Variants in APOH observed in about 807,000 individuals in gnomAD.
APOH encodes the protein beta-2-glycoprotein 1.
Under a neutral mutation model 39.8 loss-of-function variants are expected in APOH, and 48 were observed. That is an observed-to-expected ratio of 1.21 (90% CI 0.96 to 1.54). The LOEUF (loss-of-function observed/expected upper bound fraction) is 1.54, where lower values mean the gene tolerates loss of function less well. Among genes scored for constraint, APOH ranks in the 40% most tolerant of loss-of-function variants. The pLI is 0.00. For synonymous variants in APOH, 153 were observed against 151.1 expected, an observed-to-expected ratio of 1.01 and a Z score of -0.09; for missense variants, 415 against 421.2, an observed-to-expected ratio of 0.99 and a Z score of 0.13.
intron 5 of APOH, among the ~76,000 whole-genome samples, chr17:66,217,556 G>A (rs1362692246): frequency 6.6e-6 from 1 of 152,090 alleles, no homozygotes; most frequent in Non-Finnish European, 1.5e-5. Context: ...GGAGCCAGGA[G>A]CACAATATTC....
chr17:66,225,948 T>C (rs2073436691), intron 3 of APOH, 80 bp downstream of exon 3: 2 of 935,638 alleles, frequency 2.1e-6, no homozygotes, highest in African/African-American at 1.7e-5. Flanking sequence ...AAACAAAATA[T>C]AGACCAGTCT....
At chr17:66,213,652 A>AT (rs1368292955) in intron 7 of APOH, among the ~76,000 whole-genome samples, 2 of 152,168 alleles carry the variant, frequency 1.3e-5, no homozygotes, top group African/African-American at 4.8e-5. Flanking sequence ...AAGACTTAGA[A>AT]AAGAGGCTGG....
At position 66,214,567 on chromosome 17, in the gene APOH, T is replaced by C; in HGVS notation, c.868A>G (p.Met290Val). The change falls in exon 7 of 8, where the codon ATG becomes GTG. Residue 290 changes from methionine to valine, a missense_variant. This residue lies in a region of APOH where 120 missense variants were observed against 110.6 expected (regional missense o/e 1.08). Transcript: ENST00000205948. ...VKIQEKFKNG[M>V]LHGDKVSFFC... ...AAAGAAACTTTATCACCATGTAGCA[T>C]TCCATTCTTAAATTTTTCCTGAATC... is the stretch of plus-strand genomic sequence containing the variant. 6.2e-7 allele frequency: 1 copy of C among 1,614,098 alleles called. No individual in the cohort carries two copies. Among genetic ancestry groups the C allele is most frequent in the Non-Finnish European group, 8.5e-7 (1 of 1,179,970 alleles).
intron 5 of APOH, among the ~76,000 whole-genome samples, chr17:66,219,585 A>G (rs2073385227): frequency 1.3e-5 from 2 of 152,158 alleles, no homozygotes; most frequent in Non-Finnish European, 1.5e-5. Flanking sequence ...CGTTCACTGG[A>G]TATCTGTAAT....
At chr17:66,225,578 G>C (rs991276257) in intron 3 of APOH, among the ~76,000 whole-genome samples, 1 of 152,184 alleles carries the variant, frequency 6.6e-6, no homozygotes, top group Non-Finnish European at 1.5e-5. Context: ...CCTCCTCTGA[G>C]ATAATTAATC....
At chr17:66,220,828 G>T in intron 4 of APOH, 86 bp from the exon 5 acceptor site, 1 of 1,315,886 alleles carries the variant, frequency 7.6e-7, no homozygotes, top group Non-Finnish European at 1.0e-6. Flanking sequence ...AAAACCCTAA[G>T]GATAAACTTG....
chr17:66,212,191 G>C lies in APOH; in HGVS notation c.983-3C>G. 1.2e-6 allele frequency: 2 copies of C among 1,612,660 alleles called. No individual in the cohort carries two copies. The highest frequency in any genetic ancestry group is 1.7e-6 in the Non-Finnish European group (2 of 1,178,880). On this transcript the variant is annotated splice_region_variant and splice_polypyrimidine_tract_variant and intron_variant, in intron 7 of 7. Transcript: ENST00000205948. ...CCAAAAAGCCAGAGAACTGTGTTCT[G>C]TTGGGGGAGAAAAAGATAAACATTC...
At chr17:66,226,407 G>T (rs529485205) in intron 2 of APOH, among the ~76,000 whole-genome samples, 17 of 152,360 alleles carry the variant, frequency 1.1e-4, no homozygotes, top group African/African-American at 3.8e-4. Flanking sequence ...GGAGGCAGAG[G>T]AGGGTGGATC....
Position 66,220,725 on chromosome 17 carries a change from GT to G in APOH, c.432del (p.Pro145HisfsTer59). 6.2e-7 allele frequency: 1 copy of G among 1,610,334 alleles called. No homozygotes were observed. On this transcript the variant is annotated frameshift_variant, in exon 5 of 8. Transcript: ENST00000205948. LOFTEE classifies it high-confidence loss of function. ...AGTGTTGCAAACGTAGGTATGGATG[GT>G]GGAGGGCAGATGATGGCTGGGAAAA... Reference protein sequence around the residue: ...LPVCAPIICPPPSIPTFATLR... With the variant: ...LPVCAPIICPXPSIPTFATLR...
At chr17:66,214,817 G>A (rs929869252) in intron 6 of APOH, among the ~76,000 whole-genome samples, 167 bp from the exon 7 acceptor site, 1 of 151,352 alleles carries the variant, frequency 6.6e-6, no homozygotes, top group African/African-American at 2.4e-5. Flanking sequence ...GCTAATTGCA[G>A]TTCTCTGTCA....
chr17:66,228,020 G>A lies in APOH; in HGVS notation c.241C>T (p.Pro81Ser), dbSNP rs762150092. Reference protein sequence around the residue: ...LWPINTLKCTPRVCPFAGILE... With the variant: ...LWPINTLKCTSRVCPFAGILE... ...AATGTGAGAGAAGGTACTGACTTAC[G>A]TGTACATTTCAGAGTGTTGATGGGC... The change falls in exon 2 of 8, where the codon CCC (proline) becomes TCC (serine). Residue 81 changes from proline to serine, a missense_variant and splice_region_variant. This residue lies in a region of APOH where 288 missense variants were observed against 284.9 expected (regional missense o/e 1.01). Coordinates refer to ENST00000205948, the MANE Select transcript of APOH (RefSeq NM_000042.3). 15 of 1,612,308 alleles carry A rather than the reference G, an allele frequency of 9.3e-6. No homozygotes were observed. The highest frequency in any genetic ancestry group is 3.3e-5 in the Admixed American group (2 of 59,730).
At chr17:66,227,980 CA>C in intron 2 of APOH, 39 bp downstream of exon 2, 1 of 1,583,210 alleles carries the variant, frequency 6.3e-7, no homozygotes, top group South Asian at 1.2e-5. Context: ...ACCCAGAATC[CA>C]AATGAGGGAA....
chr17:66,229,229 G>A (rs537004974), intron 1 of APOH, 87 bp downstream of exon 1: 16 of 1,104,380 alleles, frequency 1.4e-5, no homozygotes, highest in Middle Eastern at 2.0e-4. Context: ...GAGCAAGCAC[G>A]CCCGGCCTAC....
At chr17:66,219,931 T>A (rs2146994351) in intron 5 of APOH, among the ~76,000 whole-genome samples, 1 of 152,144 alleles carries the variant, frequency 6.6e-6, no homozygotes, top group East Asian at 1.9e-4. Flanking sequence ...AAACAAACTA[T>A]TTGTGCACAT....
At chr17:66,216,563 C>G (rs950379806) in intron 6 of APOH, among the ~76,000 whole-genome samples, 2 of 152,012 alleles carry the variant, frequency 1.3e-5, no homozygotes, top group African/African-American at 4.8e-5. Context: ...CACCATATCA[C>G]CAATGCTTAC....
Position 66,226,075 on chromosome 17 carries a change from A to G in APOH, c.291T>C (p.Tyr97=), listed in dbSNP as rs143248721. ...TCGTGTTGGGATATTCAAAAGTCGT[A>G]TAGCGTACGGCTCCATTTTCTAAGA... ...AGILENGAVR[Y]TTFEYPNTIS... The change falls in exon 3 of 8, where the codon TAT becomes TAC. Residue 97 remains tyrosine (Y), a synonymous_variant. Coordinates refer to ENST00000205948, the MANE Select transcript of APOH (RefSeq NM_000042.3). 40 of 1,613,840 alleles carry G rather than the reference A, an allele frequency of 2.5e-5. No individual in the cohort carries two copies. In the African/African-American group the frequency reaches 3.2e-4, roughly 13 times the overall value.
At chr17:66,221,022 G>A (rs543811771) in intron 4 of APOH, among the ~76,000 whole-genome samples, 193 of 151,892 alleles carry the variant, frequency 1.3e-3, no homozygotes, top group African/African-American at 4.5e-3. Context: ...GTGAAACCCC[G>A]TCTCTACCAA....
At chr17:66,216,263 A>C (rs1288739654) in intron 6 of APOH, among the ~76,000 whole-genome samples, 3 of 152,034 alleles carry the variant, frequency 2.0e-5, no homozygotes, top group Non-Finnish European at 4.4e-5. Flanking sequence ...CGGGCGGATC[A>C]CCTGAGGTCA....
Position 66,212,037 on chromosome 17 carries a change from G to A in APOH, c.*96C>T. 1.9e-6 allele frequency: 2 copies of A among 1,036,694 alleles called. No individual in the cohort carries two copies. The highest frequency in any genetic ancestry group is 1.8e-5 in the Admixed American group (1 of 54,478). The allele number at this position is 1,036,694 out of a possible 1,614,324, so 64.2% of individuals were successfully genotyped here. ...TGAAGCTAACACTGCAATGGGTGCG[G>A]CAATAAATTCAGTAGCTTTATTTTT... On this transcript the variant is annotated 3_prime_UTR_variant, in exon 8 of 8. Transcript: ENST00000205948.
Sources: gnomAD v4.1 joint callset for allele counts (sites outside exome capture counted in the v4.1 genomes callset) on GRCh38, gnomAD v4.1.1 for gene constraint, gnomAD v4.1.1 regional missense constraint, MANE v1.5 for transcripts, NCBI Gene and HGNC (gene_info 2026-07-23, HGNC 2026-07-21) for gene names.